The following SKA2 variants were observed in gnomAD, a reference collection of about 807,000 sequenced individuals.
SKA2 encodes spindle and kinetochore associated complex subunit 2, also known as spindle and kinetochore-associated protein 2.
Under a neutral mutation model 16.9 loss-of-function variants are expected in SKA2, and 13 were observed. That is an observed-to-expected ratio of 0.77 (90% CI 0.50 to 1.22). The LOEUF (loss-of-function observed/expected upper bound fraction) is 1.22, where lower values mean the gene tolerates loss of function less well. Ranked by LOEUF, SKA2 falls within the 50% of genes most tolerant of loss-of-function variation. The pLI, the probability that SKA2 is intolerant of heterozygous loss-of-function variation, is 0.00. For missense variants in SKA2, 107 were observed against 139.7 expected, an observed-to-expected ratio of 0.77 and a Z score of 1.18; for synonymous variants, 47 against 48.5, an observed-to-expected ratio of 0.97 and a Z score of 0.13.
chr17:59,126,838 C>T lies in SKA2; in HGVS notation c.120+4443G>A, dbSNP rs769370198. On this transcript the variant is annotated intron_variant, in intron 2 of 3. Transcript: ENST00000330137. Reference sequence around the variant, plus strand: ...CCAGTGTTCATAGTAGCATTATTCACAGTAGCCAAAAGGTGAAAGCAAACC... The same window carrying T: ...CCAGTGTTCATAGTAGCATTATTCATAGTAGCCAAAAGGTGAAAGCAAACC... 9.4e-4 allele frequency among the ~76,000 whole-genome samples: 143 copies of T among 152,266 alleles called. 1 individual carries two copies. In the Middle Eastern group the frequency reaches 0.037, roughly 40 times the overall value.
intron 1 of SKA2, among the ~76,000 whole-genome samples, chr17:59,138,392 T>A (rs1238131142): frequency 1.3e-5 from 2 of 151,536 alleles, no homozygotes; most frequent in African/African-American, 4.8e-5. Flanking sequence ...GCATTTCAGA[T>A]TTTGGAATTT....
chr17:59,123,241 CTTTTTTTT>C (rs138522640), intron 2 of SKA2, among the ~76,000 whole-genome samples: 2 of 99,128 alleles, frequency 2.0e-5, no homozygotes, highest in African/African-American at 3.9e-5. Flanking sequence ...GTACAAAATT[CTTTTTTTT>C]TTTTTTTTTT....
rs2046267424 is a variant in SKA2 at position 59,112,137 on chromosome 17, A to G, written c.*140T>C. On this transcript the variant is annotated 3_prime_UTR_variant, in exon 4 of 4. Transcript: ENST00000330137. The stretch of plus-strand genomic sequence containing the variant: ...CTTCTTATAATCTCTCTCATGAAAG[A>G]TATCATTATCCAGTCATTGAAGCCA... The G allele has an allele frequency of 1.9e-5, 12 of 628,626 alleles. No individual in the cohort carries two copies. The South Asian group carries it at 2.5e-4, about 13-fold the overall frequency. The allele number at this position is 628,626 out of a possible 1,614,324, so 38.9% of individuals were successfully genotyped here.
At chr17:59,151,125 C>G (rs1252783750) in intron 1 of SKA2, 1 of 498,712 alleles carries the variant, frequency 2.0e-6, no homozygotes, top group East Asian at 5.9e-5. Context: ...AATCAAAATT[C>G]TGGCGTGCAT....
chr17:59,135,168 T>C (rs938937673), intron 1 of SKA2, among the ~76,000 whole-genome samples: 1 of 152,036 alleles, frequency 6.6e-6, no homozygotes, highest in African/African-American at 2.4e-5. Flanking sequence ...TATGGTTTCC[T>C]GCAATACCTA....
At chr17:59,114,354 C>T (rs989094960) in intron 3 of SKA2, among the ~76,000 whole-genome samples, 5 of 152,134 alleles carry the variant, frequency 3.3e-5, no homozygotes, top group African/African-American at 1.2e-4. Context: ...GCAGTTTCAT[C>T]GTGTGAACAT....
intron 2 of SKA2, among the ~76,000 whole-genome samples, chr17:59,128,445 C>T (rs999291666): frequency 4.0e-5 from 6 of 151,548 alleles, no homozygotes; most frequent in African/African-American, 1.5e-4. Flanking sequence ...GCCAACATGG[C>T]AAAACCCTGT....
At chr17:59,116,809 G>GTTTTTTTT (rs2046299204) in intron 3 of SKA2, among the ~76,000 whole-genome samples, 3 of 114,808 alleles carry the variant, frequency 2.6e-5, no homozygotes, top group Admixed American at 8.2e-5. Flanking sequence ...TCTGCCTTTG[G>GTTTTTTTT]CTTTTTTTTT....
chr17:59,122,815 G>T (rs2046343988), intron 2 of SKA2, among the ~76,000 whole-genome samples: 1 of 151,774 alleles, frequency 6.6e-6, no homozygotes, highest in Non-Finnish European at 1.5e-5. Context: ...TAGAGATGAG[G>T]TTTCGCCATG....
Position 59,137,988 on chromosome 17 carries a change from A to G in SKA2, c.34-6621T>C, listed in dbSNP as rs577350529. On this transcript the variant is annotated intron_variant, in intron 1 of 3. Transcript: ENST00000330137. ...GATAAACATCATTCACAGCCCTTTC[A>G]GTTACAAATCAGCCTCCTGGAAGCC... The G allele has an allele frequency of 2.4e-4, 61 of 257,828 alleles. 1 individual carries two copies. The highest frequency in any genetic ancestry group is 1.1e-3 in the South Asian group (28 of 26,580). The allele number at this position is 257,828 out of a possible 1,614,324, so 16.0% of individuals were successfully genotyped here. A position where few individuals can be genotyped will look rare whatever the true frequency, so the allele number is the denominator to read the frequency against.
chr17:59,134,889 C>A (rs566985864), intron 1 of SKA2, among the ~76,000 whole-genome samples: 39 of 152,032 alleles, frequency 2.6e-4, no homozygotes, highest in Middle Eastern at 3.4e-3. Context: ...AGCAGGAGTG[C>A]AGTGGCAACA....
intron 2 of SKA2, among the ~76,000 whole-genome samples, chr17:59,119,754 A>G (rs138920154): frequency 1.3e-5 from 2 of 152,338 alleles, no homozygotes; most frequent in East Asian, 3.9e-4. Context: ...AACAGCAAAT[A>G]AGGGTCACCT....
At chr17:59,127,946 G>A (rs147210227) in intron 2 of SKA2, among the ~76,000 whole-genome samples, 138 of 152,238 alleles carry the variant, frequency 9.1e-4, no homozygotes, top group African/African-American at 3.2e-3. Context: ...GGCCGGGCAC[G>A]GTGGCTCACA....
At chr17:59,145,888 G>T (rs1234902727) in intron 1 of SKA2, among the ~76,000 whole-genome samples, 1 of 151,978 alleles carries the variant, frequency 6.6e-6, no homozygotes, top group Non-Finnish European at 1.5e-5. Flanking sequence ...TACTCGTAAG[G>T]CTGAGGTGGG....
intron 2 of SKA2, chr17:59,124,486 C>G (rs913071069): frequency 6.6e-6 from 1 of 151,784 alleles, no homozygotes; most frequent in African/African-American, 2.4e-5. Flanking sequence ...GGGAAGAAGT[C>G]ATCTTCCTCA....
chr17:59,142,623 T>C (rs1330197138), intron 1 of SKA2, among the ~76,000 whole-genome samples: 1 of 150,274 alleles, frequency 6.7e-6, no homozygotes, highest in Non-Finnish European at 1.5e-5. Flanking sequence ...TATATTTTAA[T>C]ATTAAAAAAA....
intron 1 of SKA2, among the ~76,000 whole-genome samples, chr17:59,152,603 A>AAATAGTCAATACTAGTT (rs58604484): frequency 6.6e-6 from 1 of 152,044 alleles, no homozygotes; most frequent in Non-Finnish European, 1.5e-5. Flanking sequence ...ATTTCCTTTT[A>AAATAGTCAATACTAGTT]CCTTGACAAA....
chr17:59,130,620 C>A (rs904020552), intron 2 of SKA2, among the ~76,000 whole-genome samples: 20 of 150,834 alleles, frequency 1.3e-4, no homozygotes, highest in African/African-American at 4.6e-4. Context: ...ACAGAGTGAT[C>A]CGTCTCAAAA....
At chr17:59,149,644 G>A (rs574409057) in intron 1 of SKA2, among the ~76,000 whole-genome samples, 1 of 152,292 alleles carries the variant, frequency 6.6e-6, no homozygotes, top group African/African-American at 2.4e-5. Context: ...ACGTGGAAAT[G>A]ACCCGATGTC....
Sources: gnomAD v4.1 joint callset for allele counts (sites outside exome capture counted in the v4.1 genomes callset) on GRCh38, gnomAD v4.1.1 for gene constraint, MANE v1.5 for transcripts, NCBI Gene and HGNC (gene_info 2026-07-23, HGNC 2026-07-21) for gene names.